PCDHGB1: variants seen among roughly 807,000 people sequenced by gnomAD.
PCDHGB1 encodes the protein protocadherin gamma subfamily B, 1.
A neutral mutation model predicts 56.6 loss-of-function variants in PCDHGB1; 34 were observed. The observed-to-expected ratio is 0.60, with a 90% CI of 0.46 to 0.80. PCDHGB1 has a LOEUF of 0.80. PCDHGB1 is among the 30% of genes least tolerant of loss of function. The pLI is 0.00. For synonymous variants in PCDHGB1, 561 were observed against 505.9 expected, an observed-to-expected ratio of 1.11 and a Z score of -1.46; for missense variants, 1,278 against 1,204.6, an observed-to-expected ratio of 1.06 and a Z score of -0.90.
At chr5:141,389,141 C>G (rs919430175) in intron 1 of PCDHGB1, 1 of 1,613,878 alleles carries the variant, frequency 6.2e-7, no homozygotes, top group African/African-American at 1.3e-5. Context: ...ACAATATAAC[C>G]GTTACGGCAA....
intron 1 of PCDHGB1, among the ~76,000 whole-genome samples, chr5:141,353,006 A>G (rs1196529811): frequency 6.6e-6 from 1 of 152,160 alleles, no homozygotes; most frequent in African/African-American, 2.4e-5. Flanking sequence ...ACAAACAAAA[A>G]TTATATATTG....
chr5:141,468,983 AATT>A (rs958294955), intron 1 of PCDHGB1, among the ~76,000 whole-genome samples: 5 of 148,376 alleles, frequency 3.4e-5, no homozygotes, highest in Admixed American at 6.8e-5. Context: ...TGACTTCCAA[AATT>A]ATTGTTTTTG....
At chr5:141,500,227 G>T (rs959087347) in intron 2 of PCDHGB1, among the ~76,000 whole-genome samples, 15 of 116,224 alleles carry the variant, frequency 1.3e-4, no homozygotes, top group African/African-American at 2.9e-4. Context: ...TTTATTTATT[G>T]ATACGTAGCC....
At chr5:141,501,116 C>T (rs1325487254) in intron 2 of PCDHGB1, among the ~76,000 whole-genome samples, 1 of 152,154 alleles carries the variant, frequency 6.6e-6, no homozygotes, top group Non-Finnish European at 1.5e-5. Flanking sequence ...ATCCGCCTGC[C>T]TCAGCCTCCC....
chr5:141,439,568 A>G (rs2098121048), intron 1 of PCDHGB1, among the ~76,000 whole-genome samples: 1 of 152,208 alleles, frequency 6.6e-6, no homozygotes, highest in Non-Finnish European at 1.5e-5. Context: ...GTTCTAGAGT[A>G]GGGACTCAGA....
At chr5:141,359,373 A>C (rs1415898355) in intron 1 of PCDHGB1, among the ~76,000 whole-genome samples, 1 of 152,158 alleles carries the variant, frequency 6.6e-6, no homozygotes, top group East Asian at 1.9e-4. Context: ...GGAAAGCAGT[A>C]GATAATTTAT....
intron 1 of PCDHGB1, chr5:141,384,444 C>G (rs751427123): frequency 1.9e-6 from 3 of 1,613,906 alleles, no homozygotes; most frequent in Non-Finnish European, 2.5e-6. Context: ...GAGTCCTGTA[C>G]GCGCTGCAAT....
chr5:141,360,540 G>A (rs1761641770), intron 1 of PCDHGB1: 1 of 1,613,928 alleles, frequency 6.2e-7, no homozygotes, highest in East Asian at 2.2e-5. Flanking sequence ...TATTCAAACA[G>A]ACTAAGATTA....
chr5:141,476,336 C>G lies in PCDHGB1; in HGVS notation c.2410-18471C>G, dbSNP rs1228900349. The G allele has an allele frequency of 2.5e-6, 4 of 1,614,008 alleles. No individual in the cohort carries two copies. The highest frequency in any genetic ancestry group is 2.2e-5 in the East Asian group (1 of 44,854). ...GTTCCGGGTGGTGTCTGGAGCTAGC[C>G]GAAGATTCTTTGAGGTGAACCGGGA... On this transcript the variant is annotated intron_variant, in intron 1 of 3. Coordinates refer to ENST00000523390, the MANE Select transcript of PCDHGB1 (RefSeq NM_018922.3). The surrounding 1 kb of genome is among the most constrained non-coding windows in gnomAD (Gnocchi z 7.6).
At chr5:141,374,758 C>T in intron 1 of PCDHGB1, 1 of 1,613,200 alleles carries the variant, frequency 6.2e-7, no homozygotes, top group South Asian at 1.1e-5. Context: ...GCTCAAGCGT[C>T]GCCCAAATTC....
At chr5:141,414,496 C>T in intron 1 of PCDHGB1, 7 of 1,613,956 alleles carry the variant, frequency 4.3e-6, no homozygotes, top group Middle Eastern at 1.6e-4. Flanking sequence ...AACGGAAGCT[C>T]ACTTTATGCT....
At position 141,351,014 on chromosome 5, in the gene PCDHGB1, G is replaced by T. The variant is rs1758618742; in HGVS notation, c.754G>T (p.Val252Leu). Reference protein sequence around the residue: ...EVYRVSLQENVPWGTSVLRVM... With the variant: ...EVYRVSLQENLPWGTSVLRVM... ...ATACAGGGTTAGCCTCCAAGAAAAC[G>T]TACCGTGGGGAACCTCCGTGCTGCG... Residue 252 changes from valine to leucine, a missense_variant, in exon 1 of 4, where the codon GTA (valine) becomes TTA (leucine). Val to Leu is a conservative substitution (Grantham distance 32). Transcript: ENST00000523390. 3 of 1,614,060 alleles carry T rather than the reference G, an allele frequency of 1.9e-6. No homozygotes were observed. In the East Asian group the frequency reaches 6.7e-5, roughly 36 times the overall value.
Position 141,490,760 on chromosome 5 carries a change from T to G in PCDHGB1, c.2410-4047T>G. 1 of 1,614,070 alleles carries G rather than the reference T, an allele frequency of 6.2e-7. No individual in the cohort carries two copies. On this transcript the variant is annotated intron_variant, in intron 1 of 3. Coordinates refer to ENST00000523390, the MANE Select transcript of PCDHGB1 (RefSeq NM_018922.3). This position sits in a 1 kb window ranked among gnomAD's most constrained non-coding sequence, Gnocchi z 5.4. Reference sequence around the variant, plus strand: ...CAGGGAGCCCCAGCCTCCTCCTTTGTGTATGTCAACCCAGAGGATGGACGG... The same window carrying G: ...CAGGGAGCCCCAGCCTCCTCCTTTGGGTATGTCAACCCAGAGGATGGACGG...
intron 1 of PCDHGB1, among the ~76,000 whole-genome samples, chr5:141,453,310 T>C (rs566320120): frequency 6.6e-6 from 1 of 152,044 alleles, no homozygotes; most frequent in South Asian, 2.1e-4. Context: ...TTTATTTATT[T>C]ATTTTAGAGA....
At chr5:141,451,004 T>A (rs2098704048) in intron 1 of PCDHGB1, among the ~76,000 whole-genome samples, 1 of 151,474 alleles carries the variant, frequency 6.6e-6, no homozygotes, top group South Asian at 2.1e-4. Flanking sequence ...TTTTTGTATT[T>A]TTTTTAGTAG....
In PCDHGB1 at chr5:141,375,969, C is replaced by T. The variant is rs778872651; in HGVS notation, c.2409+23300C>T. 3 of 1,613,328 alleles carry T rather than the reference C, an allele frequency of 1.9e-6. No individual in the cohort carries two copies. The South Asian group carries it at 3.3e-5, about 18-fold the overall frequency. On this transcript the variant is annotated intron_variant, in intron 1 of 3. Transcript: ENST00000523390. ...CTGCACACGGGCGAGGTGCGCACGG[C>T]GCGCGCCCTGCTGGACAGAGACGCG...
chr5:141,370,923 C>T, intron 1 of PCDHGB1: 3 of 1,614,000 alleles, frequency 1.9e-6, no homozygotes, highest in Non-Finnish European at 2.5e-6. Flanking sequence ...CCCTGATCCG[C>T]ACTTCTCTTT....
intron 1 of PCDHGB1, among the ~76,000 whole-genome samples, chr5:141,481,730 G>C (rs778885944): frequency 6.6e-5 from 10 of 151,952 alleles, no homozygotes; most frequent in Non-Finnish European, 1.3e-4. Flanking sequence ...GAGGCGGGCG[G>C]ATCACGAGGT....
At chr5:141,391,759 T>C (rs901291558) in intron 1 of PCDHGB1, 1 of 152,196 alleles carries the variant, frequency 6.6e-6, no homozygotes, top group Non-Finnish European at 1.5e-5. Context: ...GGCTTCTTAG[T>C]AAGTATTATA....
Sources: allele counts gnomAD v4.1 joint callset (sites outside exome capture counted in the v4.1 genomes callset), GRCh38; gene constraint gnomAD v4.1.1; non-coding constraint Gnocchi (gnomAD v3.1); transcripts MANE v1.5; gene names NCBI Gene and HGNC (gene_info 2026-07-23, HGNC 2026-07-21).